Variants in SPG11 observed in about 807,000 individuals in gnomAD.
The protein encoded by SPG11 is SPG11 vesicle trafficking associated, spatacsin.
Under a neutral mutation model 274.0 loss-of-function variants are expected in SPG11, and 222 were observed. The observed-to-expected ratio is 0.81, with a 90% CI of 0.73 to 0.91. SPG11 has a LOEUF of 0.91. Ranked by LOEUF, SPG11 falls within the 40% of genes least tolerant of loss-of-function variation. The pLI is 0.00. For synonymous variants in SPG11, 1,144 were observed against 1,039.7 expected (o/e 1.10, Z -1.93); for missense variants, 3,114 against 2,872.7 (o/e 1.08, Z -1.92).
rs1284535585 is a variant in SPG11, at chr15:44,608,622, A to G, written c.3292-17T>C. On this transcript the variant is annotated splice_polypyrimidine_tract_variant and intron_variant, in intron 18 of 39. Coordinates refer to ENST00000261866, the MANE Select transcript of SPG11 (RefSeq NM_025137.4). Reference sequence around the variant, plus strand: ...CTGAACAACCTAAGTAAAAAAACAGATAACAGGTTGGACAGTAGCATTTTT... The same window carrying G: ...CTGAACAACCTAAGTAAAAAAACAGGTAACAGGTTGGACAGTAGCATTTTT... 26 of 1,612,514 alleles carry G rather than the reference A, an allele frequency of 1.6e-5. No individual in the cohort carries two copies. In the Middle Eastern group the frequency reaches 7.0e-4, roughly 43 times the overall value.
intron 30 of SPG11, among the ~76,000 whole-genome samples, chr15:44,582,618 T>C (rs553762495): frequency 2.0e-5 from 3 of 152,144 alleles, no homozygotes; most frequent in Admixed American, 1.3e-4. Context: ...TAAAAATCTT[T>C]AACAAAACAG....
chr15:44,569,331 AG>A (rs1334483028), intron 35 of SPG11, 66 bp downstream of exon 35: 1 of 1,169,560 alleles, frequency 8.6e-7, no homozygotes, highest in African/African-American at 1.5e-5. Context: ...ATTATTCCTG[AG>A]AAAAGCTGAG....
At chr15:44,625,446 G>A (rs1369302737) in intron 11 of SPG11, among the ~76,000 whole-genome samples, 1 of 152,100 alleles carries the variant, frequency 6.6e-6, no homozygotes, top group East Asian at 1.9e-4. Context: ...TTTTGTGATA[G>A]GAAGTAAGTT....
At chr15:44,615,750 C>T (rs2083578472) in intron 15 of SPG11, among the ~76,000 whole-genome samples, 184 bp from the exon 16 acceptor site, 4 of 152,172 alleles carry the variant, frequency 2.6e-5, no homozygotes, top group Admixed American at 2.6e-4. Context: ...TTCTGCACCA[C>T]TGTAGTATTT....
At chr15:44,599,651 C>G (rs1240012804) in intron 21 of SPG11, among the ~76,000 whole-genome samples, 1 of 152,072 alleles carries the variant, frequency 6.6e-6, no homozygotes, top group Non-Finnish European at 1.5e-5. Flanking sequence ...AAGCTGAGGG[C>G]TATCTTTCAT....
rs141808915 is a variant in SPG11 at position 44,602,684 on chromosome 15, G to A, written c.3521-2052C>T. 2.2e-4 allele frequency among the ~76,000 whole-genome samples: 33 copies of A among 151,954 alleles called. No homozygotes were observed. In the East Asian group the frequency reaches 6.4e-3, roughly 29 times the overall value. On this transcript the variant is annotated intron_variant, in intron 20 of 39. Transcript: ENST00000261866. ...TTTTTAGTAGAGACAGGGTTTCACC[G>A]TGTTAGCCAGGATGGTCTCTATCTC...
At chr15:44,605,716 T>C (rs564996277) in intron 20 of SPG11, among the ~76,000 whole-genome samples, 1 of 152,240 alleles carries the variant, frequency 6.6e-6, no homozygotes, top group African/African-American at 2.4e-5. Flanking sequence ...ATTTGTTTAA[T>C]GCTGACACCT....
rs201282600 is a variant in SPG11, at chr15:44,615,486, T to C, written c.2915A>G (p.Gln972Arg). ...LRLSRIGGVIQDTLPVQNYKT... is the reference protein window; with the variant it reads ...LRLSRIGGVIRDTLPVQNYKT... The stretch of plus-strand genomic sequence containing the variant: ...GTAGTTTTGAACAGGGAGGGTATCC[T>C]GTATTACACCTCCAATACGGCTCAG... The change falls in exon 16 of 40, where the codon CAG becomes CGG. Residue 972 changes from glutamine to arginine, a missense_variant. Physicochemically the swap from Gln to Arg is conservative, Grantham distance 43. Transcript: ENST00000261866. The C allele has an allele frequency of 3.7e-6, 6 of 1,614,078 alleles. No individual in the cohort carries two copies. The highest frequency in any genetic ancestry group is 4.2e-6 in the Non-Finnish European group (5 of 1,179,960).
intron 30 of SPG11, among the ~76,000 whole-genome samples, chr15:44,581,399 G>A (rs1444449312): frequency 6.6e-6 from 1 of 151,656 alleles, no homozygotes; most frequent in East Asian, 2.0e-4. Flanking sequence ...TAGTGACGGG[G>A]TTTTGCCATG....
intron 4 of SPG11, among the ~76,000 whole-genome samples, chr15:44,653,548 A>G (rs1433073846): frequency 6.6e-6 from 1 of 152,180 alleles, no homozygotes; most frequent in Non-Finnish European, 1.5e-5. Context: ...GATGGATTTG[A>G]GGGGGTAATA....
At chr15:44,591,650 A>G (rs2082901330) in intron 27 of SPG11, among the ~76,000 whole-genome samples, 1 of 152,230 alleles carries the variant, frequency 6.6e-6, no homozygotes, top group South Asian at 2.1e-4. Flanking sequence ...GTATTTTCAA[A>G]TATATAACTT....
chr15:44,616,398 A>G (rs757825732), intron 15 of SPG11, among the ~76,000 whole-genome samples: 1 of 151,950 alleles, frequency 6.6e-6, no homozygotes, highest in African/African-American at 2.4e-5. Flanking sequence ...GACAAGGTCT[A>G]TGTTGTCCAG....
intron 11 of SPG11, among the ~76,000 whole-genome samples, chr15:44,625,438 T>C (rs1420050510): frequency 6.6e-6 from 1 of 152,090 alleles, no homozygotes; most frequent in Non-Finnish European, 1.5e-5. Flanking sequence ...CTTGCTGTTT[T>C]TGTGATAGGA....
intron 17 of SPG11, 150 bp downstream of exon 17, chr15:44,613,280 C>A: frequency 1.6e-6 from 1 of 640,920 alleles, no homozygotes; most frequent in Admixed American, 2.5e-5. Flanking sequence ...CTTCCTTCTG[C>A]TTCTTACCTC....
Position 44,628,860 on chromosome 15 carries a change from A to G in SPG11, c.1892-16T>C. The G allele has an allele frequency of 6.2e-7, 1 of 1,610,198 alleles. No homozygotes were observed. The highest frequency in any genetic ancestry group is 8.5e-7 in the Non-Finnish European group (1 of 1,178,232). On this transcript the variant is annotated splice_polypyrimidine_tract_variant and intron_variant, in intron 9 of 39. Transcript: ENST00000261866. Reference sequence around the variant, plus strand: ...TCATCTAGTTCTATGGAAAATACCAATGTGCCAATTTGTGTGTGTGTGTGT... The same window carrying G: ...TCATCTAGTTCTATGGAAAATACCAGTGTGCCAATTTGTGTGTGTGTGTGT...
In SPG11 at chr15:44,653,877, T is replaced by G. The variant is rs150215756; in HGVS notation, c.870-1611A>C. Among the ~76,000 whole-genome samples, 344 of 152,318 alleles carry G rather than the reference T, an allele frequency of 2.3e-3. 1 individual carries two copies. The highest frequency in any genetic ancestry group is 7.7e-3 in the African/African-American group (320 of 41,584). On this transcript the variant is annotated intron_variant, in intron 4 of 39. Coordinates refer to ENST00000261866, the MANE Select transcript of SPG11 (RefSeq NM_025137.4). ...TCCATGGGTCCACTTATATGATTTTTTTTTTCCAAAAATACATTGGAAAAA... is the reference window on the plus strand; with the variant it reads ...TCCATGGGTCCACTTATATGATTTTGTTTTTCCAAAAATACATTGGAAAAA...
rs140385286 is a variant in SPG11, at chr15:44,651,862, C to T, written c.1085G>A (p.Trp362Ter). 6.8e-5 allele frequency: 110 copies of T among 1,613,636 alleles called. No homozygotes were observed. Among genetic ancestry groups the T allele is most frequent in the Non-Finnish European group, 9.2e-5 (108 of 1,179,796 alleles). ...CTCCAAATGCAAAATATCCTGGAAC[C>T]ATGGAGCACAACAGGAAACCTCCAG... ...SKLEVSCCAP[W>*]FQDILHLESP... Residue 362 changes from tryptophan (W) to a stop codon, truncating the protein, a stop_gained, in exon 6 of 40, where the codon TGG becomes TAG. Coordinates refer to ENST00000261866, the MANE Select transcript of SPG11 (RefSeq NM_025137.4). LOFTEE classifies it high-confidence loss of function.
intron 18 of SPG11, 45 bp from the exon 19 acceptor site, chr15:44,608,650 C>G: frequency 6.3e-7 from 1 of 1,592,976 alleles, no homozygotes; most frequent in African/African-American, 1.3e-5. Flanking sequence ...GCATTTTTCT[C>G]TTCTCAAAGT....
In SPG11 at chr15:44,628,447, T is replaced by G. The variant is rs112818446; in HGVS notation, c.2067+222A>C. Among the ~76,000 whole-genome samples, 1,847 of 152,348 alleles carry G rather than the reference T, an allele frequency of 0.012. 49 individuals carry two copies. Among genetic ancestry groups the G allele is most frequent in the African/African-American group, 0.043 (1,770 of 41,572 alleles). On this transcript the variant is annotated intron_variant, in intron 10 of 39. Transcript: ENST00000261866. Reference sequence around the variant, plus strand: ...GTTACTGAACCCAAGTGGGCAGATCTAGCATTAAGAGGGAGCCTACCCTTA... The same window carrying G: ...GTTACTGAACCCAAGTGGGCAGATCGAGCATTAAGAGGGAGCCTACCCTTA...
Sources: gnomAD v4.1 joint callset for allele counts (sites outside exome capture counted in the v4.1 genomes callset) on GRCh38, gnomAD v4.1.1 for gene constraint, MANE v1.5 for transcripts, NCBI Gene and HGNC (gene_info 2026-07-23, HGNC 2026-07-21) for gene names.